Variants in POLR2J observed in about 807,000 individuals in gnomAD.
POLR2J encodes the protein RNA polymerase II subunit J.
POLR2J carries 12 observed loss-of-function variants against 13.4 expected under a neutral mutation model. The observed-to-expected ratio is 0.90, with a 90% CI of 0.57 to 1.45. POLR2J has a LOEUF of 1.45. POLR2J is among the 40% of genes most tolerant of loss of function. The probability of loss-of-function intolerance (pLI) is 0.00; values close to 1 mark genes in which losing one functional copy is unlikely to be tolerated. For missense variants in POLR2J, 58 were observed against 132.0 expected, an observed-to-expected ratio of 0.44 and a Z score of 2.75; for synonymous variants, 31 against 53.6, an observed-to-expected ratio of 0.58 and a Z score of 1.84.
At position 102,474,582 on chromosome 7, in the gene POLR2J, C is replaced by T. The variant is rs376554218; in HGVS notation, c.144-47G>A. The T allele has an allele frequency of 2.0e-5, 27 of 1,360,786 alleles. 3 individuals carry two copies. The African/African-American group carries it at 3.9e-4, about 20-fold the overall frequency. 84.3% of individuals were successfully genotyped at this position (1,360,786 alleles called of 1,614,324 possible). On this transcript the variant is annotated intron_variant, in intron 2 of 3. Transcript: ENST00000292614. ...GTGAGGGTCTAGCCTCATGCCCAAG[C>T]TGGGTAGCAGCCAGCTCAGAGCAGA...
At chr7:102,475,243 C>T (rs546282514) in intron 2 of POLR2J, among the ~76,000 whole-genome samples, 60 of 152,364 alleles carry the variant, frequency 3.9e-4, no homozygotes, top group African/African-American at 1.0e-3. Context: ...CACTCACAGA[C>T]GGGGAAAAGC....
Position 102,476,323 on chromosome 7 carries a change from C to T in POLR2J, c.54-53G>A. ...GGAGCAGGGGCTCCCCTCCTCCCAC[C>T]CTGAGTCTAAACCCTGTCTCCTCCC... On this transcript the variant is annotated intron_variant, in intron 1 of 3. Coordinates refer to ENST00000292614, the MANE Select transcript of POLR2J (RefSeq NM_006234.6). 12 of 563,458 alleles carry T rather than the reference C, an allele frequency of 2.1e-5. 2 individuals are homozygous for T. The highest frequency in any genetic ancestry group is 2.1e-4 in the South Asian group (12 of 57,274). 34.9% of individuals were successfully genotyped at this position (563,458 alleles called of 1,614,324 possible).
At chr7:102,475,460 T>C (rs1253745336) in intron 2 of POLR2J, among the ~76,000 whole-genome samples, 4 of 152,100 alleles carry the variant, frequency 2.6e-5, no homozygotes, top group Non-Finnish European at 5.9e-5. Context: ...TAAATAGAAG[T>C]TCTAGTCTCT....
rs182636699 is a variant in POLR2J, at chr7:102,473,388, C to T, written c.*261G>A. 2.6e-3 allele frequency: 1,503 copies of T among 583,300 alleles called. 5 individuals carry two copies. The highest frequency in any genetic ancestry group is 3.7e-3 in the Non-Finnish European group (1,278 of 344,314). The allele number at this position is 583,300 out of a possible 1,614,324, so 36.1% of individuals were successfully genotyped here. On this transcript the variant is annotated 3_prime_UTR_variant, in exon 4 of 4. Transcript: ENST00000292614. ...CCAGCCGGACGCCCCTGAAACAGGT[C>T]ATCTGCCTGCATCAAGCCTGACAAT...
Position 102,474,415 on chromosome 7 carries a change from G to A in POLR2J, c.264C>T (p.Thr88=), listed in dbSNP as rs754586234. ...CACTGATGAGGTCGGTGATGGCGTT[G>A]GTAAAGGCTTCCTGGGGGCTGTAGT... ...TPDYSPQEAF[T]NAITDLISEL... is the part of the protein sequence containing the mutation. Residue 88 remains threonine (T), a synonymous_variant, in exon 3 of 4, where the codon ACC becomes ACT. Transcript: ENST00000292614. 9 of 1,610,518 alleles carry A rather than the reference G, an allele frequency of 5.6e-6. No individual in the cohort carries two copies. Among genetic ancestry groups the A allele is most frequent in the South Asian group, 1.1e-5 (1 of 90,884 alleles).
Position 102,474,079 on chromosome 7 carries a change from G to T in POLR2J, c.318+282C>A. On this transcript the variant is annotated intron_variant, in intron 3 of 3. Transcript: ENST00000292614. Reference sequence around the variant, plus strand: ...AATCACCAACAAGGGACGTAGAAGAGCACCCCCAAAGGACAGTAGGTCCCC... The same window carrying T: ...AATCACCAACAAGGGACGTAGAAGATCACCCCCAAAGGACAGTAGGTCCCC... The T allele has an allele frequency of 2.7e-6, 4 of 1,455,234 alleles. No homozygotes were observed. In the South Asian group the frequency reaches 4.4e-5, roughly 16 times the overall value. The allele number at this position is 1,455,234 out of a possible 1,614,324, so 90.1% of individuals were successfully genotyped here. A position where few individuals can be genotyped will look rare whatever the true frequency, so the allele number is the denominator to read the frequency against.
rs967836534 is a variant in POLR2J at position 102,473,363 on chromosome 7, C to T, written c.*286G>A. Reference sequence around the variant, plus strand: ...TTGGTCCAGAATGAATTCATCCCTGCCAGCCGGACGCCCCTGAAACAGGTC... The same window carrying T: ...TTGGTCCAGAATGAATTCATCCCTGTCAGCCGGACGCCCCTGAAACAGGTC... On this transcript the variant is annotated 3_prime_UTR_variant, in exon 4 of 4. Transcript: ENST00000292614. 2.4e-5 allele frequency: 14 copies of T among 573,036 alleles called. No individual in the cohort carries two copies. The highest frequency in any genetic ancestry group is 7.5e-5 in the African/African-American group (4 of 53,174). 35.5% of individuals were successfully genotyped at this position (573,036 alleles called of 1,614,324 possible).
Position 102,474,367 on chromosome 7 carries a change from G to C in POLR2J, c.312C>G (p.Arg104=). The C allele has an allele frequency of 6.2e-7, 1 of 1,611,980 alleles. No homozygotes were observed. ...LISELSLLEE[R]FRVAIKDKQE... ...CTCCAGGCCCCGCCCTCACCCGAAA[G>C]CGCTCCTCCAGCAGGGACAGCTCAC... The change falls in exon 3 of 4, where the codon CGC becomes CGG. Residue 104 remains arginine, a synonymous_variant. Coordinates refer to ENST00000292614, the MANE Select transcript of POLR2J (RefSeq NM_006234.6).
chr7:102,478,807 C>G lies in POLR2J; in HGVS notation c.53+1G>C, dbSNP rs141678884. ...GGCCCGCCGCAGCCGGCGTCACTTA[C>G]TTCTTCTCGCCCTCGAAGAGCAAGA... On this transcript the variant is annotated splice_donor_variant, in intron 1 of 3. Transcript: ENST00000292614. LOFTEE classifies it high-confidence loss of function. The G allele has an allele frequency of 1.8e-5, 29 of 1,610,736 alleles. No individual in the cohort carries two copies. Among genetic ancestry groups the G allele is most frequent in the Non-Finnish European group, 2.4e-5 (28 of 1,179,604 alleles).
intron 2 of POLR2J, among the ~76,000 whole-genome samples, chr7:102,474,902 C>T (rs1798377783): frequency 1.3e-5 from 2 of 150,140 alleles, no homozygotes; most frequent in South Asian, 4.3e-4. Context: ...ATAAAGGCAG[C>T]AGGAGAGGAG....
chr7:102,476,574 A>C (rs1364072082), intron 1 of POLR2J, among the ~76,000 whole-genome samples: 25 of 141,784 alleles, frequency 1.8e-4, no homozygotes, highest in African/African-American at 6.8e-4. Context: ...TGGGAGGTGG[A>C]GTTGCAGTGA....
At chr7:102,476,077 G>C in intron 2 of POLR2J, 104 bp downstream of exon 2, 1 of 599,412 alleles carries the variant, frequency 1.7e-6, no homozygotes, top group East Asian at 3.0e-5. Context: ...GCCCCCAGAA[G>C]GACTTCCTGT....
intron 1 of POLR2J, 38 bp downstream of exon 1, chr7:102,478,770 C>A: frequency 6.2e-7 from 1 of 1,609,272 alleles, no homozygotes; most frequent in Non-Finnish European, 8.5e-7. Context: ...CAGCCGCAGG[C>A]CCGCGCACCT....
At chr7:102,473,789 C>G in intron 3 of POLR2J, 105 bp from the exon 4 acceptor site, 1 of 1,546,376 alleles carries the variant, frequency 6.5e-7, no homozygotes, top group Non-Finnish European at 8.7e-7. Context: ...TGGAGGGCAG[C>G]CATGGGCCAC....
chr7:102,475,990 G>A (rs1273338672), intron 2 of POLR2J, among the ~76,000 whole-genome samples, 191 bp downstream of exon 2: 2 of 130,148 alleles, frequency 1.5e-5, no homozygotes, highest in African/African-American at 5.3e-5. Context: ...CACTACAGAA[G>A]TGTGGCTTAT....
chr7:102,473,636 C>A lies in POLR2J; in HGVS notation c.*13G>T. ...AACGGGGCTCACAGGCCGAGCAGAG[C>A]CCCCTCTGGCCCCTACTCAATTCCT... is the stretch of plus-strand genomic sequence containing the variant. On this transcript the variant is annotated 3_prime_UTR_variant, in exon 4 of 4. Coordinates refer to ENST00000292614, the MANE Select transcript of POLR2J (RefSeq NM_006234.6). 4.4e-6 allele frequency: 7 copies of A among 1,596,470 alleles called. No homozygotes were observed. The highest frequency in any genetic ancestry group is 6.0e-6 in the Non-Finnish European group (7 of 1,174,682).
At position 102,473,337 on chromosome 7, in the gene POLR2J, T is replaced by C; in HGVS notation, c.*312A>G. 1 of 563,102 alleles carries C rather than the reference T, an allele frequency of 1.8e-6. No individual in the cohort carries two copies. Among genetic ancestry groups the C allele is most frequent in the Non-Finnish European group, 3.1e-6 (1 of 327,432 alleles). The allele number at this position is 563,102 out of a possible 1,614,324, so 34.9% of individuals were successfully genotyped here. On this transcript the variant is annotated 3_prime_UTR_variant, in exon 4 of 4. Transcript: ENST00000292614. ...CGCAGCAGCCCCTGGACCCCGGATC[T>C]TTGGTCCAGAATGAATTCATCCCTG...
chr7:102,473,287 C>A lies in POLR2J; in HGVS notation c.*362G>T, dbSNP rs1798286322. ...TCTTGGGAGCTCATGGGTTTGCACA[C>A]TTCTCTCCGGCTCAGCACAGCCCCC... On this transcript the variant is annotated 3_prime_UTR_variant, in exon 4 of 4. Coordinates refer to ENST00000292614, the MANE Select transcript of POLR2J (RefSeq NM_006234.6). 1 of 595,252 alleles carries A rather than the reference C, an allele frequency of 1.7e-6. No individual in the cohort carries two copies. Among genetic ancestry groups the A allele is most frequent in the Non-Finnish European group, 2.9e-6 (1 of 348,438 alleles). 36.9% of individuals were successfully genotyped at this position (595,252 alleles called of 1,614,324 possible). A position where few individuals can be genotyped will look rare whatever the true frequency, so the allele number is the denominator to read the frequency against.
chr7:102,474,009 G>T (rs9691424), intron 3 of POLR2J: 880,703 of 1,437,806 alleles, frequency 0.61, 275,914 homozygotes, highest in Middle Eastern at 0.66. Context: ...TGGGCCACCC[G>T]GGGGTGAGCT....
Sources: allele counts gnomAD v4.1 joint callset (sites outside exome capture counted in the v4.1 genomes callset), GRCh38; gene constraint gnomAD v4.1.1; transcripts MANE v1.5; gene names NCBI Gene and HGNC (gene_info 2026-07-23, HGNC 2026-07-21).